SMYD3: variants seen among roughly 807,000 people sequenced by gnomAD.
SMYD3 encodes the protein histone-lysine N-methyltransferase SMYD3.
In SMYD3, 36 loss-of-function variants were observed where a neutral mutation model predicts 57.7. The observed-to-expected ratio is 0.62, with a 90% CI of 0.48 to 0.82. The LOEUF (loss-of-function observed/expected upper bound fraction) is 0.82, where lower values mean the gene tolerates loss of function less well. Ranked by LOEUF, SMYD3 falls within the 40% of genes least tolerant of loss-of-function variation. The pLI is 0.00. For missense variants in SMYD3, 515 were observed against 538.8 expected (o/e 0.96, Z 0.44); for synonymous variants, 211 against 195.0 (o/e 1.08, Z -0.68).
chr1:246,168,571 G>A (rs1471040361), intron 5 of SMYD3, among the ~76,000 whole-genome samples: 1 of 152,086 alleles, frequency 6.6e-6, no homozygotes. Flanking sequence ...ACATTCCTGG[G>A]AATTAAAAAG....
intron 5 of SMYD3, among the ~76,000 whole-genome samples, chr1:246,170,535 T>C (rs992159781): frequency 2.6e-5 from 4 of 152,116 alleles, no homozygotes; most frequent in African/African-American, 9.6e-5. Context: ...GGAATTCTAC[T>C]ATGAGTAATT....
At chr1:245,883,702 A>G (rs2052919973) in intron 8 of SMYD3, among the ~76,000 whole-genome samples, 1 of 152,232 alleles carries the variant, frequency 6.6e-6, no homozygotes, top group African/African-American at 2.4e-5. Context: ...TGAAAGGTCC[A>G]TGGACCTGAC....
At chr1:246,499,948 T>C (rs1173326915) in intron 1 of SMYD3, among the ~76,000 whole-genome samples, 5 of 152,168 alleles carry the variant, frequency 3.3e-5, no homozygotes, top group African/African-American at 1.2e-4. Context: ...TGAGAACCAC[T>C]GGTCTATAAC....
chr1:246,363,207 G>A (rs2066031747), intron 1 of SMYD3, among the ~76,000 whole-genome samples: 1 of 151,970 alleles, frequency 6.6e-6, no homozygotes, highest in Non-Finnish European at 1.5e-5. Flanking sequence ...TCTGGGAAGT[G>A]AGGAGCGTCT....
At chr1:246,242,008 C>T (rs2063621211) in intron 5 of SMYD3, among the ~76,000 whole-genome samples, 1 of 152,090 alleles carries the variant, frequency 6.6e-6, no homozygotes, top group South Asian at 2.1e-4. Flanking sequence ...TGCTAGCGGT[C>T]TATCAATTTT....
chr1:246,114,108 G>A (rs989270697), intron 5 of SMYD3, among the ~76,000 whole-genome samples: 1 of 151,436 alleles, frequency 6.6e-6, no homozygotes, highest in Admixed American at 6.5e-5. Context: ...GGAGAGAAAA[G>A]CACTAATTTC....
intron 5 of SMYD3, among the ~76,000 whole-genome samples, chr1:246,081,585 A>C (rs1315908589): frequency 6.6e-6 from 1 of 152,038 alleles, no homozygotes; most frequent in Non-Finnish European, 1.5e-5. Context: ...GTAGAGACAA[A>C]GTTTCGCCAT....
intron 5 of SMYD3, among the ~76,000 whole-genome samples, chr1:245,994,999 C>T (rs190361013): frequency 2.9e-4 from 44 of 152,152 alleles, no homozygotes; most frequent in Admixed American, 1.6e-3. Flanking sequence ...GTGGCATGCG[C>T]CTGTAGTCCA....
chr1:246,485,933 G>C (rs1011330478), intron 1 of SMYD3, among the ~76,000 whole-genome samples: 3 of 152,192 alleles, frequency 2.0e-5, no homozygotes, highest in Non-Finnish European at 2.9e-5. Context: ...GACCTCAGAA[G>C]ATTTTGCAAG....
intron 5 of SMYD3, among the ~76,000 whole-genome samples, chr1:246,107,186 T>C (rs1048246734): frequency 1.3e-3 from 196 of 150,050 alleles, no homozygotes; most frequent in Non-Finnish European, 2.2e-3. Flanking sequence ...ACTCGGGAGG[T>C]TGAGGCAGGA....
chr1:246,202,299 T>C lies in SMYD3; in HGVS notation c.531+124902A>G, dbSNP rs1190902266. On this transcript the variant is annotated intron_variant, in intron 5 of 11. Transcript: ENST00000490107. This position sits in a 1 kb window ranked among gnomAD's most constrained non-coding sequence, Gnocchi z 4.1. Reference sequence around the variant, plus strand: ...AAATCCATTTTTCTCATAAATAAATTTGAACACATTTGATCCTTTCTCATT... The same window carrying C: ...AAATCCATTTTTCTCATAAATAAATCTGAACACATTTGATCCTTTCTCATT... Among the ~76,000 whole-genome samples the C allele has an allele frequency of 6.6e-6, 1 of 152,190 alleles. No homozygotes were observed. The highest frequency in any genetic ancestry group is 1.5e-5 in the Non-Finnish European group (1 of 68,042).
chr1:246,355,953 G>C lies in SMYD3; in HGVS notation c.165-859C>G, dbSNP rs1293531484. Among the ~76,000 whole-genome samples the C allele has an allele frequency of 6.6e-6, 1 of 152,154 alleles. No individual in the cohort carries two copies. Among genetic ancestry groups the C allele is most frequent in the Non-Finnish European group, 1.5e-5 (1 of 68,028 alleles). On this transcript the variant is annotated intron_variant, in intron 1 of 11. Coordinates refer to ENST00000490107, the MANE Select transcript of SMYD3 (RefSeq NM_001167740.2). This position sits in a 1 kb window ranked among gnomAD's most constrained non-coding sequence, Gnocchi z 5.0. The stretch of plus-strand genomic sequence containing the variant: ...CTGAATAGGTAACCAGGCGACCTTA[G>C]GGCAAGTTTGCTTCCTCCCTGTAGG...
chr1:246,453,304 G>A (rs2067657404), intron 1 of SMYD3, among the ~76,000 whole-genome samples: 1 of 152,146 alleles, frequency 6.6e-6, no homozygotes, highest in Non-Finnish European at 1.5e-5. Flanking sequence ...GAAGGAGGCG[G>A]AAGTATCCAT....
intron 10 of SMYD3, among the ~76,000 whole-genome samples, chr1:245,824,314 C>T (rs1005786487): frequency 1.3e-4 from 20 of 152,224 alleles, no homozygotes; most frequent in Non-Finnish European, 2.8e-4. Context: ...ATACTGGGCA[C>T]CCACTAAAGG....
chr1:246,032,920 C>G (rs1007568034), intron 5 of SMYD3, among the ~76,000 whole-genome samples: 2 of 152,166 alleles, frequency 1.3e-5, no homozygotes, highest in African/African-American at 4.8e-5. Context: ...ACTAACTACT[C>G]TAGGCTTTAA....
At chr1:246,047,251 CT>C (rs1415872065) in intron 5 of SMYD3, among the ~76,000 whole-genome samples, 1 of 152,034 alleles carries the variant, frequency 6.6e-6, no homozygotes, top group Non-Finnish European at 1.5e-5. Context: ...ACCAAACTTA[CT>C]ACAAACCATG....
rs958452513 is a variant in SMYD3 at position 246,457,743 on chromosome 1, A to G, written c.164+49311T>C. 3.0e-4 allele frequency among the ~76,000 whole-genome samples: 46 copies of G among 152,162 alleles called. 1 individual carries two copies. Among genetic ancestry groups the G allele is most frequent in the African/African-American group, 1.1e-3 (45 of 41,432 alleles). On this transcript the variant is annotated intron_variant, in intron 1 of 11. Transcript: ENST00000490107. ...TAGTGCTTTTATACAAGCTGTGCGT[A>G]CAGCAGAAGTACCCAATCCACTGCC... is the stretch of plus-strand genomic sequence containing the variant.
intron 5 of SMYD3, among the ~76,000 whole-genome samples, chr1:246,235,192 G>A (rs772761562): frequency 6.6e-6 from 1 of 152,114 alleles, no homozygotes; most frequent in African/African-American, 2.4e-5. Context: ...TAGAAGAAAA[G>A]ACAGGAGTTA....
chr1:246,212,697 T>G (rs999035691), intron 5 of SMYD3, among the ~76,000 whole-genome samples: 42 of 152,150 alleles, frequency 2.8e-4, no homozygotes, highest in African/African-American at 1.0e-3. Flanking sequence ...TACTGCCAAG[T>G]TGAATGATAG....
Sources: allele counts gnomAD v4.1 joint callset (sites outside exome capture counted in the v4.1 genomes callset), GRCh38; gene constraint gnomAD v4.1.1; non-coding constraint Gnocchi (gnomAD v3.1); transcripts MANE v1.5; gene names NCBI Gene and HGNC (gene_info 2026-07-23, HGNC 2026-07-21).